NR1I2: variants seen among roughly 807,000 people sequenced by gnomAD.
NR1I2 encodes nuclear receptor subfamily 1 group I member 2, also known as orphan nuclear receptor PAR1.
In NR1I2, 42 loss-of-function variants were observed where a neutral mutation model predicts 43.3. The observed-to-expected ratio is 0.97, with a 90% CI of 0.76 to 1.26. The LOEUF is 1.26. NR1I2 is among the 50% of genes most tolerant of loss of function. NR1I2 has a pLI of 0.00. For missense variants in NR1I2, 559 were observed against 566.7 expected (o/e 0.99, Z 0.14); for synonymous variants, 229 against 215.0 (o/e 1.06, Z -0.57).
chr3:119,794,006 C>T (rs1410583431), intron 1 of NR1I2, among the ~76,000 whole-genome samples: 1 of 152,046 alleles, frequency 6.6e-6, no homozygotes, highest in Admixed American at 6.6e-5. Flanking sequence ...TTTGTAATTG[C>T]GTGTTTTTTA....
chr3:119,817,798 G>A lies in NR1I2; in HGVS notation c.*586G>A. ...GCCAGGAGGCCTGCACCAAATGTCAGAAGCTTGGCATGACCTCATTCCGGC... is the reference window on the plus strand; with the variant it reads ...GCCAGGAGGCCTGCACCAAATGTCAAAAGCTTGGCATGACCTCATTCCGGC... On this transcript the variant is annotated 3_prime_UTR_variant, in exon 9 of 9. Coordinates refer to ENST00000393716, the MANE Select transcript of NR1I2 (RefSeq NM_003889.4). 1.0e-6 allele frequency: 1 copy of A among 1,001,280 alleles called. No individual in the cohort carries two copies. The highest frequency in any genetic ancestry group is 1.2e-6 in the Non-Finnish European group (1 of 838,138). The allele number at this position is 1,001,280 out of a possible 1,614,324, so 62.0% of individuals were successfully genotyped here.
intron 1 of NR1I2, chr3:119,782,904 G>A: frequency 1.4e-6 from 2 of 1,446,950 alleles, no homozygotes; most frequent in Non-Finnish European, 1.9e-6. Flanking sequence ...ACAGAACCGA[G>A]TCTTGCCTGC....
Position 119,786,083 on chromosome 3 carries a change from C to T in NR1I2, c.-23+3783C>T, listed in dbSNP as rs141966831. On this transcript the variant is annotated intron_variant, in intron 1 of 8. Transcript: ENST00000393716. ...TATCTCCATAGTTAATTATATAGCTCATCCCAAGGGTGATAGAAGCAGAGA... is the reference window on the plus strand; with the variant it reads ...TATCTCCATAGTTAATTATATAGCTTATCCCAAGGGTGATAGAAGCAGAGA... 7.9e-5 allele frequency among the ~76,000 whole-genome samples: 12 copies of T among 152,270 alleles called. No individual in the cohort carries two copies. The East Asian group carries it at 1.3e-3, about 17-fold the overall frequency.
At chr3:119,814,838 C>A in intron 5 of NR1I2, 141 bp from the exon 6 acceptor site, 1 of 1,036,764 alleles carries the variant, frequency 9.6e-7, no homozygotes, top group Non-Finnish European at 1.4e-6. Context: ...AGCCAGACAG[C>A]AGCCACAGTC....
At chr3:119,783,679 A>G (rs2054807909) in intron 1 of NR1I2, among the ~76,000 whole-genome samples, 1 of 152,214 alleles carries the variant, frequency 6.6e-6, no homozygotes, top group Non-Finnish European at 1.5e-5. Flanking sequence ...TGAAAATGAG[A>G]AAGCAGTATA....
At chr3:119,801,353 G>A (rs1054969545) in intron 1 of NR1I2, among the ~76,000 whole-genome samples, 1 of 152,190 alleles carries the variant, frequency 6.6e-6, no homozygotes, top group Non-Finnish European at 1.5e-5. Flanking sequence ...ACTAAGCACC[G>A]TGAGAAGCAG....
chr3:119,817,570 G>A lies in NR1I2; in HGVS notation c.*358G>A. On this transcript the variant is annotated 3_prime_UTR_variant, in exon 9 of 9. Coordinates refer to ENST00000393716, the MANE Select transcript of NR1I2 (RefSeq NM_003889.4). Reference sequence around the variant, plus strand: ...AGTGTCAAGGTGTGGAAGGGACCAAGCGACCAAGGATGGGCCATCTGGGGT... The same window carrying A: ...AGTGTCAAGGTGTGGAAGGGACCAAACGACCAAGGATGGGCCATCTGGGGT... The A allele has an allele frequency of 8.4e-7, 1 of 1,187,576 alleles. No individual in the cohort carries two copies. Among genetic ancestry groups the A allele is most frequent in the Non-Finnish European group, 1.1e-6 (1 of 945,354 alleles). The allele number at this position is 1,187,576 out of a possible 1,614,324, so 73.6% of individuals were successfully genotyped here.
chr3:119,800,538 T>G (rs2055063875), intron 1 of NR1I2, among the ~76,000 whole-genome samples: 1 of 152,242 alleles, frequency 6.6e-6, no homozygotes, highest in African/African-American at 2.4e-5. Context: ...CATCCCTTTG[T>G]CTATATTATC....
At chr3:119,806,348 G>A (rs547797481) in intron 1 of NR1I2, among the ~76,000 whole-genome samples, 1 of 152,260 alleles carries the variant, frequency 6.6e-6, no homozygotes, top group East Asian at 1.9e-4. Flanking sequence ...GCTCTGGCAT[G>A]ATTCTAGCTC....
At chr3:119,809,609 TGG>T (rs1417220318) in intron 2 of NR1I2, among the ~76,000 whole-genome samples, 2 of 151,682 alleles carry the variant, frequency 1.3e-5, no homozygotes, top group Non-Finnish European at 2.9e-5. Context: ...CTTACCCTCC[TGG>T]GGTCAGGTTT....
intron 3 of NR1I2, 33 bp from the exon 4 acceptor site, chr3:119,811,506 C>T (rs928679525): frequency 1.2e-5 from 19 of 1,583,510 alleles, no homozygotes; most frequent in African/African-American, 6.7e-5. Flanking sequence ...ACCAGGGGCA[C>T]GTGTGCCTGA....
chr3:119,791,237 A>T (rs889825253), intron 1 of NR1I2, among the ~76,000 whole-genome samples: 1 of 152,188 alleles, frequency 6.6e-6, no homozygotes, highest in African/African-American at 2.4e-5. Context: ...CATCCCTCAT[A>T]GGCCCCAGAA....
intron 1 of NR1I2, among the ~76,000 whole-genome samples, chr3:119,794,910 G>C (rs186824748): frequency 6.6e-6 from 1 of 152,298 alleles, no homozygotes; most frequent in Non-Finnish European, 1.5e-5. Flanking sequence ...TTGCACTCCA[G>C]CCTGAGTGAC....
At chr3:119,787,903 G>GT in intron 1 of NR1I2, among the ~76,000 whole-genome samples, 1 of 151,694 alleles carries the variant, frequency 6.6e-6, no homozygotes, top group Non-Finnish European at 1.5e-5. Context: ...TATGATTTTT[G>GT]TTTTTTTATC....
chr3:119,799,920 T>C (rs1488746267), intron 1 of NR1I2, among the ~76,000 whole-genome samples: 1 of 151,992 alleles, frequency 6.6e-6, no homozygotes, highest in Non-Finnish European at 1.5e-5. Flanking sequence ...GCAGAGGTTG[T>C]GCACCACTGC....
chr3:119,807,036 A>C (rs938977593), intron 1 of NR1I2, among the ~76,000 whole-genome samples, 193 bp from the exon 2 acceptor site: 2 of 152,164 alleles, frequency 1.3e-5, no homozygotes, highest in African/African-American at 4.8e-5. Context: ...TTTTGTGTAC[A>C]AAATGTCATG....
At chr3:119,789,013 C>A (rs1247553367) in intron 1 of NR1I2, among the ~76,000 whole-genome samples, 1 of 152,178 alleles carries the variant, frequency 6.6e-6, no homozygotes, top group Non-Finnish European at 1.5e-5. Context: ...TGGGAATTTG[C>A]ATTTTCATAA....
At chr3:119,815,935 GC>G in intron 8 of NR1I2, 104 bp downstream of exon 8, 1 of 916,030 alleles carries the variant, frequency 1.1e-6, no homozygotes, top group Non-Finnish European at 1.7e-6. Context: ...TCTGGAGGTA[GC>G]CCCAGCCAGA....
In NR1I2 at chr3:119,817,873, A is replaced by T; in HGVS notation, c.*661A>T. On this transcript the variant is annotated 3_prime_UTR_variant, in exon 9 of 9. Transcript: ENST00000393716. ...CATTTGAACACATTATTAAGCACCGATAATAGGTAGCCTGCTGTGGGGTAT... is the reference window on the plus strand; with the variant it reads ...CATTTGAACACATTATTAAGCACCGTTAATAGGTAGCCTGCTGTGGGGTAT... 1 of 988,908 alleles carries T rather than the reference A, an allele frequency of 1.0e-6. No homozygotes were observed. Among genetic ancestry groups the T allele is most frequent in the Non-Finnish European group, 1.2e-6 (1 of 831,710 alleles). 61.3% of individuals were successfully genotyped at this position (988,908 alleles called of 1,614,324 possible).
Sources: allele counts gnomAD v4.1 joint callset (sites outside exome capture counted in the v4.1 genomes callset), GRCh38; gene constraint gnomAD v4.1.1; transcripts MANE v1.5; gene names NCBI Gene and HGNC (gene_info 2026-07-23, HGNC 2026-07-21).